The following CHRNA2 variants were observed in gnomAD, a reference collection of about 807,000 sequenced individuals.
CHRNA2 encodes neuronal acetylcholine receptor subunit alpha-2.
Under a neutral mutation model 45.5 loss-of-function variants are expected in CHRNA2, and 40 were observed. The observed-to-expected ratio is 0.88, with a 90% CI of 0.68 to 1.15. The LOEUF (loss-of-function observed/expected upper bound fraction) is 1.15. Among genes scored for constraint, CHRNA2 ranks in the 50% most tolerant of loss-of-function variants. The pLI, the probability that CHRNA2 is intolerant of heterozygous loss-of-function variation, is 0.00. For synonymous variants in CHRNA2, 301 were observed against 296.7 expected, an observed-to-expected ratio of 1.01 and a Z score of -0.15; for missense variants, 655 against 701.7, an observed-to-expected ratio of 0.93 and a Z score of 0.75.
Position 27,467,274 on chromosome 8 carries a change from AC to A in CHRNA2, c.403del (p.Val135SerfsTer5), listed in dbSNP as rs777391476. ...TDFGNITSLRVPSEMIWIPDI... is the reference protein window; with the variant it reads ...TDFGNITSLRXPSEMIWIPDI... The stretch of plus-strand genomic sequence containing the variant: ...GGGGATCCAGATCATCTCAGAAGGG[AC>A]CCTGAGAGATGTGATGTTGCCAAAA... On this transcript the variant is annotated frameshift_variant, in exon 5 of 7. Coordinates refer to ENST00000407991, the MANE Select transcript of CHRNA2 (RefSeq NM_000742.4). LOFTEE classifies it high-confidence loss of function. 1.9e-6 allele frequency: 3 copies of A among 1,613,972 alleles called. No individual in the cohort carries two copies. The Admixed American group carries it at 5.0e-5, about 27-fold the overall frequency.
intron 5 of CHRNA2, among the ~76,000 whole-genome samples, chr8:27,465,811 C>T (rs118085817): frequency 0.013 from 1,995 of 152,238 alleles, 18 homozygotes; most frequent in Middle Eastern, 0.02. Flanking sequence ...GGGGAAGGAA[C>T]CTTGCAAACT....
At chr8:27,468,400 G>A (rs1259942938) in intron 4 of CHRNA2, among the ~76,000 whole-genome samples, 1 of 152,232 alleles carries the variant, frequency 6.6e-6, no homozygotes. Context: ...CTGGGTTACA[G>A]CATCAGAGGG....
chr8:27,462,836 A>T, intron 6 of CHRNA2, 143 bp downstream of exon 6: 1 of 980,650 alleles, frequency 1.0e-6, no homozygotes, highest in East Asian at 2.4e-5. Flanking sequence ...CTTGCTATTT[A>T]TTCCATCTAA....
rs963988264 is a variant in CHRNA2, at chr8:27,463,031, T to A, written c.1412A>T (p.Glu471Val). The A allele has an allele frequency of 1.2e-6, 2 of 1,613,984 alleles. No individual in the cohort carries two copies. Among genetic ancestry groups the A allele is most frequent in the South Asian group, 2.2e-5 (2 of 91,086 alleles). Residue 471 changes from glutamate to valine, a missense_variant, in exon 6 of 7, where the codon GAA becomes GTA. Physicochemically the swap from Glu to Val is moderately radical, Grantham distance 121. Transcript: ENST00000407991. The surrounding 1 kb of genome is among the most constrained non-coding windows in gnomAD (Gnocchi z 6.1). ...LLSPHMQKAL[E>V]GVHYIADHLR... ...GTGGTCGGCAATGTAGTGCACACCT[T>A]CCAGTGCCTTCTGCATGTGGGGTGA...
chr8:27,473,533 G>C (rs4377919), intron 1 of CHRNA2, among the ~76,000 whole-genome samples: 70,153 of 102,510 alleles, frequency 0.68, 21,384 homozygotes, highest in Middle Eastern at 0.73. Context: ...GACCCCCCCC[G>C]CCGTCTCTAC....
chr8:27,469,318 AGG>A lies in CHRNA2; in HGVS notation c.339+15_339+16del. The A allele has an allele frequency of 1.3e-6, 2 of 1,516,016 alleles. No homozygotes were observed. Among genetic ancestry groups the A allele is most frequent in the South Asian group, 1.2e-5 (1 of 83,302 alleles). 93.9% of individuals were successfully genotyped at this position (1,516,016 alleles called of 1,614,324 possible). On this transcript the variant is annotated intron_variant, in intron 4 of 6. Coordinates refer to ENST00000407991, the MANE Select transcript of CHRNA2 (RefSeq NM_000742.4). ...TCCCGGTACCCGCCACCTGGACTGGAGGAGGGGGGCCCTCACCTGTTTTAGCC... is the reference window on the plus strand; with the variant it reads ...TCCCGGTACCCGCCACCTGGACTGGAAGGGGGGCCCTCACCTGTTTTAGCC...
intron 3 of CHRNA2, 183 bp from the exon 4 acceptor site, chr8:27,469,562 C>T (rs1241882723): frequency 1.2e-6 from 1 of 861,104 alleles, no homozygotes; most frequent in African/African-American, 1.7e-5. Context: ...GCACTGCTGC[C>T]AATCAATGCC....
chr8:27,463,290 GT>G lies in CHRNA2; in HGVS notation c.1152del (p.Pro385HisfsTer11), dbSNP rs1812569409. 1.2e-6 allele frequency: 2 copies of G among 1,609,568 alleles called. No individual in the cohort carries two copies. Among genetic ancestry groups the G allele is most frequent in the Non-Finnish European group, 1.7e-6 (2 of 1,176,624 alleles). ...VPRWLLMNRP[P>X]PPVELCHPLR... ...AGGGGGTGGCAGAGCTCCACGGGTG[GT>G]GGGGGCCGGTTCATCAGAAGCCACC... is the stretch of plus-strand genomic sequence containing the variant. On this transcript the variant is annotated frameshift_variant, in exon 6 of 7. Transcript: ENST00000407991. LOFTEE classifies it high-confidence loss of function. This position sits in a 1 kb window ranked among gnomAD's most constrained non-coding sequence, Gnocchi z 6.1.
chr8:27,460,070 C>T lies in CHRNA2; in HGVS notation c.*1559G>A, dbSNP rs545789115. On this transcript the variant is annotated 3_prime_UTR_variant, in exon 7 of 7. Transcript: ENST00000407991. ...TTCCCCTGAGAGTGTCAGGGAGAGACATTTTGGGGTTTGGAAGGAGGGGAC... is the reference window on the plus strand; with the variant it reads ...TTCCCCTGAGAGTGTCAGGGAGAGATATTTTGGGGTTTGGAAGGAGGGGAC... The T allele has an allele frequency of 1.3e-5, 2 of 152,404 alleles. No individual in the cohort carries two copies. Among genetic ancestry groups the T allele is most frequent in the Middle Eastern group, 3.4e-3 (1 of 296 alleles). The allele number at this position is 152,404 out of a possible 1,614,324, so 9.4% of individuals were successfully genotyped here.
chr8:27,467,600 C>T (rs565379596), intron 4 of CHRNA2: 7 of 455,716 alleles, frequency 1.5e-5, no homozygotes, highest in Admixed American at 1.0e-4. Flanking sequence ...CTCTAGTCCT[C>T]GCTCTGCCAA....
chr8:27,469,291 A>G, intron 4 of CHRNA2, 44 bp downstream of exon 4: 2 of 1,542,256 alleles, frequency 1.3e-6, no homozygotes, highest in Non-Finnish European at 1.8e-6. Context: ...GGGTCCATGG[A>G]TTCCCGGTAC....
chr8:27,465,829 G>T (rs1217580857), intron 5 of CHRNA2, among the ~76,000 whole-genome samples: 2 of 152,174 alleles, frequency 1.3e-5, no homozygotes, highest in African/African-American at 4.8e-5. Context: ...ACTCTAAGAT[G>T]CCTTCCTCTT....
At chr8:27,466,434 C>T (rs1812700960) in intron 5 of CHRNA2, among the ~76,000 whole-genome samples, 1 of 151,986 alleles carries the variant, frequency 6.6e-6, no homozygotes, top group Admixed American at 6.6e-5. Flanking sequence ...TTCCAAAGGA[C>T]TTGGGTGGGG....
rs202029606 is a variant in CHRNA2, at chr8:27,461,725, C to T, written c.1494G>A (p.Met498Ile). Residue 498 changes from methionine to isoleucine, a missense_variant, in exon 7 of 7, where the codon ATG (methionine) becomes ATA (isoleucine). Met to Ile is a conservative substitution (Grantham distance 10). This residue lies in a region of CHRNA2 where 295 missense variants were observed against 280.4 expected (regional missense o/e 1.05). Coordinates refer to ENST00000407991, the MANE Select transcript of CHRNA2 (RefSeq NM_000742.4). The part of the protein sequence containing the change: ...SVKEDWKYVA[M>I]VIDRIFLWLF... ...GCCAGAGGAAGATCCTGTCGATGAC[C>T]ATGGCAACATACTTCCAGTCCTCCT... The T allele has an allele frequency of 6.2e-6, 10 of 1,614,212 alleles. 1 individual carries two copies. The Middle Eastern group carries it at 9.9e-4, about 160-fold the overall frequency.
At chr8:27,468,071 T>C (rs1812754719) in intron 4 of CHRNA2, among the ~76,000 whole-genome samples, 1 of 152,246 alleles carries the variant, frequency 6.6e-6, no homozygotes, top group Non-Finnish European at 1.5e-5. Context: ...CTCCCAGGCA[T>C]GTGGCAGTAG....
intron 3 of CHRNA2, 90 bp downstream of exon 3, chr8:27,469,671 G>T (rs1812808350): frequency 1.3e-6 from 2 of 1,497,010 alleles, no homozygotes; most frequent in Non-Finnish European, 1.9e-6. Flanking sequence ...GTGCGTGAGG[G>T]CAGGGCTGGG....
intron 1 of CHRNA2, among the ~76,000 whole-genome samples, chr8:27,478,529 C>T (rs1813130539): frequency 6.6e-6 from 1 of 152,120 alleles, no homozygotes; most frequent in South Asian, 2.1e-4. Flanking sequence ...AATAAATGAA[C>T]AAAAGAATGG....
At chr8:27,472,900 A>G (rs1334543270) in intron 1 of CHRNA2, among the ~76,000 whole-genome samples, 1 of 152,206 alleles carries the variant, frequency 6.6e-6, no homozygotes, top group Non-Finnish European at 1.5e-5. Context: ...GGTGACAGTG[A>G]TATTTGCCAA....
chr8:27,476,773 T>C (rs1053742768), intron 1 of CHRNA2, among the ~76,000 whole-genome samples: 2 of 152,170 alleles, frequency 1.3e-5, no homozygotes, highest in Admixed American at 6.6e-5. Flanking sequence ...CATACAGGCG[T>C]GAAGTTTTTA....
Sources: allele counts gnomAD v4.1 joint callset (sites outside exome capture counted in the v4.1 genomes callset), GRCh38; gene constraint gnomAD v4.1.1; regional missense constraint gnomAD v4.1.1; non-coding constraint Gnocchi (gnomAD v3.1); transcripts MANE v1.5; gene names NCBI Gene and HGNC (gene_info 2026-07-23, HGNC 2026-07-21).